The following BANK1 variants were observed in gnomAD, a reference collection of about 807,000 sequenced individuals.
BANK1 encodes the protein B cell scaffold protein with ankyrin repeats 1.
A neutral mutation model predicts 94.5 loss-of-function variants in BANK1; 95 were observed. The observed-to-expected ratio is 1.00, with a 90% CI of 0.85 to 1.19. BANK1 has a LOEUF of 1.19. Ranked by LOEUF, BANK1 falls within the 50% of genes most tolerant of loss-of-function variation. BANK1 has a pLI of 0.00. For missense variants in BANK1, 987 were observed against 932.2 expected (o/e 1.06, Z -0.77); for synonymous variants, 334 against 308.4 (o/e 1.08, Z -0.87).
At chr4:101,791,002 C>A in intron 1 of BANK1, 52 bp downstream of exon 1, 1 of 1,389,834 alleles carries the variant, frequency 7.2e-7, no homozygotes, top group Non-Finnish European at 9.5e-7. Flanking sequence ...GGCTACGGGG[C>A]TCTGCGGAGA....
chr4:101,936,364 CAT>C (rs951586203), intron 7 of BANK1, among the ~76,000 whole-genome samples: 7 of 149,422 alleles, frequency 4.7e-5, no homozygotes, highest in East Asian at 2.0e-4. Flanking sequence ...TACATACATG[CAT>C]ATATGTGTGC....
At chr4:102,046,233 C>G (rs1004992869) in intron 11 of BANK1, among the ~76,000 whole-genome samples, 6 of 151,764 alleles carry the variant, frequency 4.0e-5, no homozygotes, top group Non-Finnish European at 7.4e-5. Context: ...GAAAACTGGC[C>G]AGCCATATGT....
chr4:101,850,665 A>G (rs1374275842), intron 2 of BANK1, among the ~76,000 whole-genome samples: 3 of 152,102 alleles, frequency 2.0e-5, no homozygotes, highest in East Asian at 1.9e-4. Context: ...GAGCAAGTCT[A>G]TTGGCACCAT....
At chr4:101,822,196 AAAAAAATAC>A (rs1040018165) in intron 1 of BANK1, among the ~76,000 whole-genome samples, 26 of 151,696 alleles carry the variant, frequency 1.7e-4, no homozygotes, top group African/African-American at 5.6e-4. Flanking sequence ...CTCTACCATT[AAAAAAATAC>A]AAAAAATACA....
At chr4:101,811,950 C>G (rs540065859) in intron 1 of BANK1, among the ~76,000 whole-genome samples, 2 of 151,888 alleles carry the variant, frequency 1.3e-5, no homozygotes, top group African/African-American at 4.8e-5. Context: ...TCTTTTATCT[C>G]TTAAAGTCTG....
intron 1 of BANK1, among the ~76,000 whole-genome samples, chr4:101,820,103 T>G (rs1726082681): frequency 6.6e-6 from 1 of 152,208 alleles, no homozygotes; most frequent in Non-Finnish European, 1.5e-5. Context: ...TTAACCATTC[T>G]AATAGGCTGT....
chr4:101,932,374 TTC>T (rs1298818643), intron 7 of BANK1, among the ~76,000 whole-genome samples: 4 of 151,608 alleles, frequency 2.6e-5, no homozygotes, highest in African/African-American at 7.3e-5. Flanking sequence ...TACATAAAAT[TTC>T]TGTTTCACTA....
At chr4:101,894,814 A>C (rs969588203) in intron 5 of BANK1, among the ~76,000 whole-genome samples, 2 of 152,006 alleles carry the variant, frequency 1.3e-5, no homozygotes, top group Non-Finnish European at 1.5e-5. Context: ...GGGGTAAAGA[A>C]AGGCCAAGAT....
At position 101,942,319 on chromosome 4, in the gene BANK1, A is replaced by T. The variant is rs77855267; in HGVS notation, c.1206+24130A>T. 5.6e-3 allele frequency among the ~76,000 whole-genome samples: 846 copies of T among 151,980 alleles called. 15 individuals carry two copies. In the East Asian group the frequency reaches 0.056, roughly 10 times the overall value. ...TCTATGCCACCAGGCAGCCTTCTTC[A>T]TCGACACAGTGGGAAATTCCTCTAA... On this transcript the variant is annotated intron_variant, in intron 7 of 16. Transcript: ENST00000322953.
intron 7 of BANK1, among the ~76,000 whole-genome samples, chr4:101,936,618 A>G (rs968608846): frequency 2.0e-5 from 3 of 151,258 alleles, no homozygotes; most frequent in African/African-American, 7.3e-5. Flanking sequence ...TATAGGAAAA[A>G]AAATTAATTA....
At chr4:101,906,533 AG>A (rs1560626526) in intron 6 of BANK1, among the ~76,000 whole-genome samples, 1 of 152,066 alleles carries the variant, frequency 6.6e-6, no homozygotes, top group Non-Finnish European at 1.5e-5. Flanking sequence ...AATAATAAGG[AG>A]GGGGTGCAGA....
intron 1 of BANK1, among the ~76,000 whole-genome samples, chr4:101,807,751 T>C (rs1388794758): frequency 6.6e-6 from 1 of 152,102 alleles, no homozygotes; most frequent in East Asian, 1.9e-4. Context: ...ATTATTTGCT[T>C]CAGGCCATAT....
At chr4:101,838,288 A>G (rs987049327) in intron 2 of BANK1, among the ~76,000 whole-genome samples, 1 of 152,130 alleles carries the variant, frequency 6.6e-6, no homozygotes, top group Non-Finnish European at 1.5e-5. Flanking sequence ...TATTCTTATT[A>G]TGAATGTATA....
intron 7 of BANK1, among the ~76,000 whole-genome samples, chr4:102,009,526 C>T (rs1726414035): frequency 6.6e-6 from 1 of 152,164 alleles, no homozygotes; most frequent in African/African-American, 2.4e-5. Context: ...CTCTTATGAA[C>T]ATGATTCTTG....
In BANK1 at chr4:101,950,018, G is replaced by GGTGTGTGTGTGTGT. The variant is rs6148602; in HGVS notation, c.1206+31859_1206+31872dup. On this transcript the variant is annotated intron_variant, in intron 7 of 16. Transcript: ENST00000322953. ...CTACATTTAGTTTAAGGAAGTAAGG[G>GGTGTGTGTGTGTGT]GTGTGTGTGTGTGTGTGTGTGTGTG... Among the ~76,000 whole-genome samples, 49 of 149,398 alleles carry GGTGTGTGTGTGTGT rather than the reference G, an allele frequency of 3.3e-4. 1 individual carries two copies. The highest frequency in any genetic ancestry group is 7.9e-4 in the African/African-American group (32 of 40,320).
At chr4:101,797,585 G>T (rs1725201578) in intron 1 of BANK1, among the ~76,000 whole-genome samples, 1 of 152,154 alleles carries the variant, frequency 6.6e-6, no homozygotes, top group South Asian at 2.1e-4. Flanking sequence ...CATACCTTTT[G>T]TGATATAGTA....
intron 1 of BANK1, among the ~76,000 whole-genome samples, chr4:101,798,935 TC>T (rs1356488373): frequency 6.6e-6 from 1 of 152,226 alleles, no homozygotes; most frequent in Non-Finnish European, 1.5e-5. Context: ...GATGGTAGTT[TC>T]TTTTGCTGTG....
intron 10 of BANK1, among the ~76,000 whole-genome samples, 166 bp downstream of exon 10, chr4:102,030,431 A>G (rs1026502681): frequency 2.0e-5 from 3 of 151,696 alleles, no homozygotes; most frequent in African/African-American, 7.3e-5. Flanking sequence ...TTCCACTAAG[A>G]GTATTTTTTT....
At chr4:101,970,954 C>T (rs751073847) in intron 7 of BANK1, among the ~76,000 whole-genome samples, 5 of 152,078 alleles carry the variant, frequency 3.3e-5, no homozygotes, top group Non-Finnish European at 7.4e-5. Flanking sequence ...GTTTGTCACA[C>T]TTGTGTCATA....
Sources: allele counts gnomAD v4.1 joint callset (sites outside exome capture counted in the v4.1 genomes callset), GRCh38; gene constraint gnomAD v4.1.1; transcripts MANE v1.5; gene names NCBI Gene and HGNC (gene_info 2026-07-23, HGNC 2026-07-21).